CEP162: variants seen among roughly 807,000 people sequenced by gnomAD.
CEP162 encodes centrosomal protein of 162 kDa.
In CEP162, 141 loss-of-function variants were observed where a neutral mutation model predicts 169.2. The observed-to-expected ratio is 0.83, with a 90% CI of 0.73 to 0.96. CEP162 has a LOEUF of 0.96. CEP162 is among the 40% of genes least tolerant of loss of function. The probability of loss-of-function intolerance (pLI) is 0.00; values close to 1 mark genes in which losing one functional copy is unlikely to be tolerated. For synonymous variants in CEP162, 540 were observed against 526.4 expected, an observed-to-expected ratio of 1.03 and a Z score of -0.35; for missense variants, 1,600 against 1,587.2, an observed-to-expected ratio of 1.01 and a Z score of -0.14.
At chr6:84,198,460 A>G (rs2127729247) in intron 9 of CEP162, among the ~76,000 whole-genome samples, 1 of 152,126 alleles carries the variant, frequency 6.6e-6, no homozygotes, top group Non-Finnish European at 1.5e-5. Context: ...TGTATTTTTT[A>G]GTAGAGACTA....
At chr6:84,175,629 T>C (rs1213359136) in intron 13 of CEP162, among the ~76,000 whole-genome samples, 1 of 152,208 alleles carries the variant, frequency 6.6e-6, no homozygotes, top group East Asian at 1.9e-4. Context: ...AGAATGTGGA[T>C]AGAAATAACT....
At chr6:84,126,340 A>G in intron 26 of CEP162, 38 bp downstream of exon 26, 1 of 1,458,416 alleles carries the variant, frequency 6.9e-7, no homozygotes, top group Non-Finnish European at 9.1e-7. Context: ...ACTTAAAAGT[A>G]AAGACCTATA....
intron 21 of CEP162, among the ~76,000 whole-genome samples, chr6:84,159,251 AGAT>A (rs1296883637): frequency 4.0e-5 from 6 of 151,066 alleles, no homozygotes; most frequent in East Asian, 1.9e-4. Context: ...GAAAAATATA[AGAT>A]GATGAACTGT....
chr6:84,157,619 G>A (rs770658852), intron 21 of CEP162, among the ~76,000 whole-genome samples: 8 of 152,098 alleles, frequency 5.3e-5, no homozygotes, highest in Non-Finnish European at 7.4e-5. Context: ...AGGTTGCAGT[G>A]AGCCAGGATC....
chr6:84,146,928 T>C, intron 24 of CEP162, 143 bp from the exon 25 acceptor site: 1 of 427,964 alleles, frequency 2.3e-6, no homozygotes, highest in Non-Finnish European at 4.1e-6. Flanking sequence ...TGGAAAAAAA[T>C]TATAGAGATT....
chr6:84,150,498 G>C (rs1042426681), intron 23 of CEP162, among the ~76,000 whole-genome samples: 2 of 151,980 alleles, frequency 1.3e-5, no homozygotes, highest in African/African-American at 4.8e-5. Flanking sequence ...TTTCTCCATG[G>C]AAACAGTGTG....
At chr6:84,205,633 G>T (rs2099546594) in intron 6 of CEP162, among the ~76,000 whole-genome samples, 1 of 152,096 alleles carries the variant, frequency 6.6e-6, no homozygotes, top group African/African-American at 2.4e-5. Context: ...GGCAAAAGCT[G>T]GAAGCATTCC....
chr6:84,130,421 C>G (rs773734219), intron 25 of CEP162, among the ~76,000 whole-genome samples: 11 of 152,130 alleles, frequency 7.2e-5, no homozygotes, highest in Non-Finnish European at 1.5e-4. Context: ...GGAATAGTTT[C>G]AGAAGGATTG....
intron 11 of CEP162, among the ~76,000 whole-genome samples, chr6:84,191,589 A>T (rs1403087884): frequency 1.3e-5 from 2 of 152,074 alleles, no homozygotes; most frequent in African/African-American, 2.4e-5. Context: ...TTTAATTATA[A>T]CCCTGTCTTT....
At chr6:84,150,836 G>A (rs546894120) in intron 23 of CEP162, among the ~76,000 whole-genome samples, 25 of 152,218 alleles carry the variant, frequency 1.6e-4, no homozygotes, top group Non-Finnish European at 3.1e-4. Flanking sequence ...CTCACTCACT[G>A]CCATGGCTGC....
intron 13 of CEP162, among the ~76,000 whole-genome samples, chr6:84,177,741 T>C (rs2099532987): frequency 2.0e-5 from 3 of 152,198 alleles, no homozygotes. Context: ...TTTACCATGT[T>C]GGCCAGGCTG....
At chr6:84,178,930 G>A (rs1017057321) in intron 13 of CEP162, among the ~76,000 whole-genome samples, 6 of 152,166 alleles carry the variant, frequency 3.9e-5, no homozygotes, top group African/African-American at 7.2e-5. Context: ...TTGTCCTTGC[G>A]ATAGTTTGCT....
chr6:84,158,493 T>G (rs2099524124), intron 21 of CEP162, among the ~76,000 whole-genome samples: 1 of 152,208 alleles, frequency 6.6e-6, no homozygotes, highest in South Asian at 2.1e-4. Context: ...CCTGTTCATA[T>G]TAGGTATTTA....
chr6:84,182,304 A>C (rs1009176489), intron 13 of CEP162, among the ~76,000 whole-genome samples: 14 of 152,102 alleles, frequency 9.2e-5, no homozygotes, highest in African/African-American at 3.1e-4. Context: ...TTAAATAATA[A>C]GCATATATTA....
intron 21 of CEP162, among the ~76,000 whole-genome samples, chr6:84,158,858 T>C (rs2099524284): frequency 6.6e-6 from 1 of 151,914 alleles, no homozygotes; most frequent in Non-Finnish European, 1.5e-5. Flanking sequence ...ATTTGTATCT[T>C]CTTTAATTTT....
chr6:84,165,197 C>T (rs1215343868), intron 18 of CEP162, among the ~76,000 whole-genome samples: 1 of 151,920 alleles, frequency 6.6e-6, no homozygotes, highest in African/African-American at 2.4e-5. Flanking sequence ...TAGCAAGCCC[C>T]ATCCTGGCCC....
chr6:84,134,441 C>T (rs2099513021), intron 25 of CEP162, among the ~76,000 whole-genome samples: 1 of 152,186 alleles, frequency 6.6e-6, no homozygotes, highest in Admixed American at 6.5e-5. Flanking sequence ...AACGGCCGCC[C>T]AGTTTTGTGC....
At chr6:84,202,392 C>CAG (rs2099544883) in intron 7 of CEP162, among the ~76,000 whole-genome samples, 1 of 152,096 alleles carries the variant, frequency 6.6e-6, no homozygotes, top group Non-Finnish European at 1.5e-5. Context: ...GATTCTTACC[C>CAG]AGACAGTGCT....
At chr6:84,146,049 C>T (rs1030165896) in intron 25 of CEP162, among the ~76,000 whole-genome samples, 3 of 152,078 alleles carry the variant, frequency 2.0e-5, no homozygotes, top group African/African-American at 7.2e-5. Context: ...CTATTCTCAG[C>T]ACTAAGACAA....
Sources: gnomAD v4.1 joint callset for allele counts (sites outside exome capture counted in the v4.1 genomes callset) on GRCh38, gnomAD v4.1.1 for gene constraint, MANE v1.5 for transcripts, NCBI Gene and HGNC (gene_info 2026-07-23, HGNC 2026-07-21) for gene names.